The following FAM53B variants were observed in gnomAD, a reference collection of about 807,000 sequenced individuals.
FAM53B encodes protein FAM53B.
Under a neutral mutation model 32.7 loss-of-function variants are expected in FAM53B, and 12 were observed. The observed-to-expected ratio is 0.37, with a 90% CI of 0.24 to 0.59. The LOEUF is 0.59. Ranked by LOEUF, FAM53B falls within the 20% of genes least tolerant of loss-of-function variation. FAM53B has a pLI of 0.72. For missense variants in FAM53B, 477 were observed against 577.7 expected (o/e 0.83, Z 1.79); for synonymous variants, 234 against 228.7 (o/e 1.02, Z -0.21).
chr10:124,671,265 G>T (rs374148052), intron 4 of FAM53B: 2 of 441,292 alleles, frequency 4.5e-6, no homozygotes, highest in Admixed American at 4.7e-5. Context: ...CCAGCTAGCC[G>T]GCGCCCCTGC....
chr10:124,737,152 C>T (rs1950177901), intron 1 of FAM53B, among the ~76,000 whole-genome samples: 1 of 152,194 alleles, frequency 6.6e-6, no homozygotes, highest in South Asian at 2.1e-4. Context: ...CAGCAGATGT[C>T]CAATCAATGT....
chr10:124,735,367 TA>T (rs372801250), intron 1 of FAM53B, among the ~76,000 whole-genome samples: 2 of 152,090 alleles, frequency 1.3e-5, no homozygotes, highest in Admixed American at 6.5e-5. Flanking sequence ...TCACTTTTGG[TA>T]AAAAAAGATT....
chr10:124,644,008 G>A (rs77730268), intron 4 of FAM53B, among the ~76,000 whole-genome samples: 8,136 of 152,004 alleles, frequency 0.054, 709 homozygotes, highest in African/African-American at 0.18. Context: ...ACACCTGCTC[G>A]GGAAGAAAGG....
At chr10:124,650,101 C>T (rs1208355233) in intron 4 of FAM53B, among the ~76,000 whole-genome samples, 5 of 152,182 alleles carry the variant, frequency 3.3e-5, no homozygotes, top group Non-Finnish European at 7.4e-5. Context: ...ACATAATTAT[C>T]GATCAGATGA....
chr10:124,686,356 ATTTC>A lies in FAM53B; in HGVS notation c.134-3981_134-3978del, dbSNP rs1417616443. On this transcript the variant is annotated intron_variant, in intron 3 of 4. Transcript: ENST00000337318. ...AGAGTAAGCCTCTAAGGCCTATAAG[ATTTC>A]TTTGTCGTAGGGAAGATTCGAAGAG... 2.0e-5 allele frequency among the ~76,000 whole-genome samples: 3 copies of A among 152,168 alleles called. No homozygotes were observed. In the East Asian group the frequency reaches 5.8e-4, roughly 29 times the overall value.
At chr10:124,679,011 C>T (rs1949752985) in intron 4 of FAM53B, among the ~76,000 whole-genome samples, 1 of 152,230 alleles carries the variant, frequency 6.6e-6, no homozygotes, top group Non-Finnish European at 1.5e-5. Context: ...ACCCGAGGCT[C>T]TCACACACCT....
At position 124,657,668 on chromosome 10, in the gene FAM53B, C is replaced by A. The variant is rs1039336673; in HGVS notation, c.906+23939G>T. ...CAATGAATGTGAAACTGACATACTC[C>A]TGAGCTGATATACAAGTGTTTGTGC... is the stretch of plus-strand genomic sequence containing the variant. On this transcript the variant is annotated intron_variant, in intron 4 of 4. Transcript: ENST00000337318. Among the ~76,000 whole-genome samples the A allele has an allele frequency of 1.5e-4, 23 of 152,344 alleles. No homozygotes were observed. The South Asian group carries it at 1.7e-3, about 11-fold the overall frequency.
intron 1 of FAM53B, among the ~76,000 whole-genome samples, chr10:124,739,006 T>C (rs1950185977): frequency 6.7e-6 from 1 of 148,190 alleles, no homozygotes; most frequent in African/African-American, 2.5e-5. Context: ...CTGCCTTTGG[T>C]CCTACAGTAC....
chr10:124,642,087 G>A (rs1478428666), intron 4 of FAM53B, among the ~76,000 whole-genome samples: 2 of 152,192 alleles, frequency 1.3e-5, no homozygotes, highest in East Asian at 3.8e-4. Context: ...AGTGTTCCTC[G>A]AGGAAGAATA....
intron 4 of FAM53B, among the ~76,000 whole-genome samples, chr10:124,663,192 C>T (rs1949645468): frequency 6.6e-6 from 1 of 152,230 alleles, no homozygotes; most frequent in African/African-American, 2.4e-5. Flanking sequence ...GTAGACAGGA[C>T]ACACACATAA....
chr10:124,658,451 G>A (rs1453457647), intron 4 of FAM53B, among the ~76,000 whole-genome samples: 1 of 152,166 alleles, frequency 6.6e-6, no homozygotes, highest in Non-Finnish European at 1.5e-5. Context: ...TTGCCAAGTG[G>A]GTGGCCCCCA....
intron 4 of FAM53B, among the ~76,000 whole-genome samples, chr10:124,653,090 A>G (rs1017563313): frequency 6.6e-6 from 1 of 152,212 alleles, no homozygotes; most frequent in Non-Finnish European, 1.5e-5. Context: ...CTCTGCAGAT[A>G]ACTAAGTTAA....
intron 1 of FAM53B, among the ~76,000 whole-genome samples, chr10:124,726,170 C>T (rs1267045346): frequency 2.0e-5 from 3 of 152,074 alleles, no homozygotes; most frequent in Non-Finnish European, 1.5e-5. Context: ...GGATTTGGTA[C>T]CTAGAACCCT....
chr10:124,678,161 T>C (rs1416685792), intron 4 of FAM53B, among the ~76,000 whole-genome samples: 1 of 152,152 alleles, frequency 6.6e-6, no homozygotes, highest in Non-Finnish European at 1.5e-5. Context: ...CCCAGGAATG[T>C]CCACCCTCTG....
intron 4 of FAM53B, among the ~76,000 whole-genome samples, chr10:124,637,903 A>G (rs1949444034): frequency 6.6e-6 from 1 of 152,188 alleles, no homozygotes; most frequent in South Asian, 2.1e-4. Context: ...CTCTCTGTGC[A>G]GGCAGAGGGA....
intron 4 of FAM53B, among the ~76,000 whole-genome samples, chr10:124,673,356 G>T (rs1366804686): frequency 6.6e-6 from 1 of 152,202 alleles, no homozygotes; most frequent in Non-Finnish European, 1.5e-5. Context: ...ACACAAGGCA[G>T]GATATCAAAC....
intron 4 of FAM53B, among the ~76,000 whole-genome samples, chr10:124,678,159 T>C (rs1231222283): frequency 6.6e-6 from 1 of 152,184 alleles, no homozygotes; most frequent in African/African-American, 2.4e-5. Flanking sequence ...CTCCCAGGAA[T>C]GTCCACCCTC....
intron 3 of FAM53B, among the ~76,000 whole-genome samples, chr10:124,688,143 A>C (rs1313603408): frequency 1.3e-5 from 2 of 152,176 alleles, no homozygotes; most frequent in African/African-American, 4.8e-5. Context: ...ACTCACTCCT[A>C]TGAACAAGAT....
intron 2 of FAM53B, among the ~76,000 whole-genome samples, chr10:124,700,309 A>G (rs1949906718): frequency 6.6e-6 from 1 of 152,070 alleles, no homozygotes; most frequent in South Asian, 2.1e-4. Context: ...CGGCCTTTCC[A>G]ACACTTTGAA....
Sources: gnomAD v4.1 joint callset for allele counts (sites outside exome capture counted in the v4.1 genomes callset) on GRCh38, gnomAD v4.1.1 for gene constraint, MANE v1.5 for transcripts, NCBI Gene and HGNC (gene_info 2026-07-23, HGNC 2026-07-21) for gene names.